The following COL4A3 variants were observed in gnomAD, a reference collection of about 807,000 sequenced individuals.
COL4A3 encodes the protein collagen type IV alpha 3 chain.
In COL4A3, 135 loss-of-function variants were observed where a neutral mutation model predicts 217.4. The ratio of observed to expected loss-of-function variants is 0.62; its 90% CI spans 0.54 to 0.72. The LOEUF (loss-of-function observed/expected upper bound fraction) is 0.72. COL4A3 is among the 30% of genes least tolerant of loss of function. The pLI is 0.00. For synonymous variants in COL4A3, 690 were observed against 736.3 expected, an observed-to-expected ratio of 0.94 and a Z score of 1.02; for missense variants, 1,868 against 2,119.9, an observed-to-expected ratio of 0.88 and a Z score of 2.33.
intron 39 of COL4A3, 22 bp from the exon 40 acceptor site, chr2:227,294,942 G>C (rs369710164): frequency 1.5e-6 from 2 of 1,370,458 alleles, no homozygotes; most frequent in Non-Finnish European, 2.0e-6. Context: ...TGGGGTTTTT[G>C]GGTTTTTTTT....
chr2:227,176,336 G>T (rs2065672493), intron 1 of COL4A3, among the ~76,000 whole-genome samples: 1 of 152,128 alleles, frequency 6.6e-6, no homozygotes, highest in Admixed American at 6.5e-5. Flanking sequence ...CGTCGGTATT[G>T]TATATGTATG....
chr2:227,202,494 C>T (rs554162341), intron 1 of COL4A3, among the ~76,000 whole-genome samples: 2 of 151,810 alleles, frequency 1.3e-5, no homozygotes, highest in African/African-American at 4.8e-5. Flanking sequence ...CCTGTAATCC[C>T]AGCACTTTGG....
At chr2:227,248,361 G>GA (rs764516702) in intron 8 of COL4A3, 82 bp from the exon 9 acceptor site, 6 of 856,246 alleles carry the variant, frequency 7.0e-6, no homozygotes, top group Non-Finnish European at 1.2e-5. Context: ...TATCTTTGAA[G>GA]AAATATAACT....
intron 1 of COL4A3, among the ~76,000 whole-genome samples, chr2:227,183,573 G>A (rs1041850906): frequency 1.3e-5 from 2 of 152,244 alleles, no homozygotes; most frequent in Non-Finnish European, 1.5e-5. Flanking sequence ...CAAACTTGGT[G>A]GAGTTACCAA....
rs1224782327 is a variant in COL4A3 at position 227,312,765 on chromosome 2, G to A, written c.*895G>A. 1.3e-5 allele frequency: 2 copies of A among 152,480 alleles called. No homozygotes were observed. The highest frequency in any genetic ancestry group is 1.3e-4 in the Admixed American group (2 of 15,278). The allele number at this position is 152,480 out of a possible 1,614,324, so 9.4% of individuals were successfully genotyped here. Reference sequence around the variant, plus strand: ...CTTTATCCTCATTCCATAAATGTCGGTGCATACCTTATGTAAGGGAGCAGT... The same window carrying A: ...CTTTATCCTCATTCCATAAATGTCGATGCATACCTTATGTAAGGGAGCAGT... On this transcript the variant is annotated 3_prime_UTR_variant, in exon 52 of 52. Coordinates refer to ENST00000396578, the MANE Select transcript of COL4A3 (RefSeq NM_000091.5).
rs962022238 is a variant in COL4A3 at position 227,308,747 on chromosome 2, A to T, written c.4463-152A>T. On this transcript the variant is annotated intron_variant, in intron 48 of 51. Transcript: ENST00000396578. ...ATCTTTGATTTCTATCAGTATGAAA[A>T]CTTTTCAATACTACATTTTGCAGAT... is the stretch of plus-strand genomic sequence containing the variant. 7.6e-6 allele frequency: 6 copies of T among 787,956 alleles called. No homozygotes were observed. In the African/African-American group the frequency reaches 8.6e-5, roughly 11 times the overall value. 48.8% of individuals were successfully genotyped at this position (787,956 alleles called of 1,614,324 possible).
At chr2:227,197,310 T>A (rs1053684475) in intron 1 of COL4A3, among the ~76,000 whole-genome samples, 1 of 152,088 alleles carries the variant, frequency 6.6e-6, no homozygotes, top group Non-Finnish European at 1.5e-5. Flanking sequence ...TCCACCTCCC[T>A]GGGTTTAAGC....
chr2:227,284,071 G>A lies in COL4A3; in HGVS notation c.2747-140G>A, dbSNP rs1427262475. On this transcript the variant is annotated intron_variant, in intron 33 of 51. Coordinates refer to ENST00000396578, the MANE Select transcript of COL4A3 (RefSeq NM_000091.5). ...ACCCTTATGAGGCTGCCTGCCTGGG[G>A]AAACTATTTATCAAGTTCTCAGCAC... is the stretch of plus-strand genomic sequence containing the variant. The A allele has an allele frequency of 5.0e-6, 6 of 1,211,066 alleles. No homozygotes were observed. In the South Asian group the frequency reaches 8.1e-5, roughly 16 times the overall value. The allele number at this position is 1,211,066 out of a possible 1,614,324, so 75.0% of individuals were successfully genotyped here. A position where few individuals can be genotyped will look rare whatever the true frequency, so the allele number is the denominator to read the frequency against.
In COL4A3 at chr2:227,303,021, C is replaced by T. The variant is rs753246849; in HGVS notation, c.3883-17C>T. The stretch of plus-strand genomic sequence containing the variant: ...TAAAAATTTGTTTTGGTTCTGCTCC[C>T]TTTATTTGAAATATAGGGAGCACCA... On this transcript the variant is annotated splice_polypyrimidine_tract_variant and intron_variant, in intron 43 of 51. Transcript: ENST00000396578. 2 of 1,598,370 alleles carry T rather than the reference C, an allele frequency of 1.3e-6. No homozygotes were observed. The highest frequency in any genetic ancestry group is 1.7e-6 in the Non-Finnish European group (2 of 1,165,764).
Position 227,245,993 on chromosome 2 carries a change from G to A in COL4A3, c.364G>A (p.Val122Ile). 1.9e-6 allele frequency: 3 copies of A among 1,613,744 alleles called. No individual in the cohort carries two copies. Among genetic ancestry groups the A allele is most frequent in the Non-Finnish European group, 1.7e-6 (2 of 1,179,690 alleles). The change falls in exon 6 of 52, where the codon GTA (valine) becomes ATA (isoleucine). Residue 122 changes from valine to isoleucine, a missense_variant. This residue lies in a region of COL4A3 where 365 missense variants were observed against 333.8 expected (regional missense o/e 1.09). Transcript: ENST00000396578. ...GNTGPYGLVG[V>I]PGCSGSKGEQ... is the part of the protein sequence containing the mutation. ...TACCGGGCCTTACGGACTTGTCGGT[G>A]TACCAGGATGCAGTGGTTCTAAGGT...
At chr2:227,206,994 T>A (rs1437277995) in intron 1 of COL4A3, among the ~76,000 whole-genome samples, 1 of 152,042 alleles carries the variant, frequency 6.6e-6, no homozygotes, top group African/African-American at 2.4e-5. Context: ...ACCACTTTTG[T>A]GGTTAAGAGG....
chr2:227,264,295 T>G (rs914066073), intron 21 of COL4A3, among the ~76,000 whole-genome samples: 6 of 151,934 alleles, frequency 3.9e-5, no homozygotes, highest in Non-Finnish European at 8.8e-5. Flanking sequence ...AGGCAAGAAT[T>G]TATCCATTTG....
intron 30 of COL4A3, 104 bp downstream of exon 30, chr2:227,280,694 G>A: frequency 3.7e-6 from 5 of 1,344,014 alleles, no homozygotes; most frequent in Middle Eastern, 1.8e-4. Flanking sequence ...CCCATCCAAT[G>A]TTCCTGCCCT....
intron 1 of COL4A3, among the ~76,000 whole-genome samples, chr2:227,215,706 G>A (rs190796246): frequency 0.016 from 2,486 of 152,190 alleles, 37 homozygotes; most frequent in Middle Eastern, 0.061. Flanking sequence ...TGATCCACCC[G>A]CCTCGGCCTC....
chr2:227,172,581 CTTT>C (rs11315628), intron 1 of COL4A3, among the ~76,000 whole-genome samples: 3 of 73,588 alleles, frequency 4.1e-5, no homozygotes, highest in Middle Eastern at 0.01. Context: ...TCGTCTTCTT[CTTT>C]TTTTTTTTTT....
At chr2:227,178,004 A>G (rs979385267) in intron 1 of COL4A3, among the ~76,000 whole-genome samples, 2 of 152,258 alleles carry the variant, frequency 1.3e-5, no homozygotes, top group Non-Finnish European at 2.9e-5. Flanking sequence ...TAATAAGGAA[A>G]GGAAAAAATT....
intron 1 of COL4A3, among the ~76,000 whole-genome samples, chr2:227,184,534 G>C (rs1019238467): frequency 2.0e-5 from 3 of 152,164 alleles, no homozygotes; most frequent in Non-Finnish European, 2.9e-5. Context: ...TACCAAGAAA[G>C]ATCTGGTCAA....
intron 27 of COL4A3, among the ~76,000 whole-genome samples, chr2:227,276,893 T>A (rs1444503299): frequency 1.3e-5 from 2 of 152,242 alleles, no homozygotes; most frequent in East Asian, 3.8e-4. Flanking sequence ...GGAGGGAGAC[T>A]TACATAGTTC....
chr2:227,217,307 C>T (rs1018428497), intron 1 of COL4A3, among the ~76,000 whole-genome samples: 1 of 152,252 alleles, frequency 6.6e-6, no homozygotes, highest in African/African-American at 2.4e-5. Context: ...AGCTACAATT[C>T]AAGATGAGAT....
Sources: gnomAD v4.1 joint callset for allele counts (sites outside exome capture counted in the v4.1 genomes callset) on GRCh38, gnomAD v4.1.1 for gene constraint, gnomAD v4.1.1 regional missense constraint, MANE v1.5 for transcripts, NCBI Gene and HGNC (gene_info 2026-07-23, HGNC 2026-07-21) for gene names.